The following TCN2 variants were observed in gnomAD, a reference collection of about 807,000 sequenced individuals.
TCN2 encodes the protein transcobalamin 2.
In TCN2, 34 loss-of-function variants were observed where a neutral mutation model predicts 48.6. That is an observed-to-expected ratio of 0.70 (90% CI 0.53 to 0.93). The LOEUF is 0.93. TCN2 is among the 40% of genes least tolerant of loss of function. TCN2 has a pLI of 0.00. For synonymous variants in TCN2, 283 were observed against 212.5 expected, an observed-to-expected ratio of 1.33 and a Z score of -2.89; for missense variants, 652 against 526.1, an observed-to-expected ratio of 1.24 and a Z score of -2.34.
chr22:30,621,403 CCT>C (rs1320081722), intron 7 of TCN2, among the ~76,000 whole-genome samples: 1 of 152,166 alleles, frequency 6.6e-6, no homozygotes, highest in Non-Finnish European at 1.5e-5. Context: ...ACATCACTTC[CCT>C]GTTACTTTGA....
intron 7 of TCN2, among the ~76,000 whole-genome samples, chr22:30,619,329 C>T (rs1246018041): frequency 6.6e-6 from 1 of 152,264 alleles, no homozygotes; most frequent in Admixed American, 6.5e-5. Flanking sequence ...ATCTACCCAC[C>T]TTGGCCTCCC....
Position 30,609,613 on chromosome 22 carries a change from A to G in TCN2, c.65-1258A>G, listed in dbSNP as rs145726024. Among the ~76,000 whole-genome samples the G allele has an allele frequency of 2.7e-3, 406 of 152,314 alleles. 3 individuals are homozygous for G. The highest frequency in any genetic ancestry group is 8.8e-3 in the African/African-American group (367 of 41,574). On this transcript the variant is annotated intron_variant, in intron 1 of 8. Coordinates refer to ENST00000215838, the MANE Select transcript of TCN2 (RefSeq NM_000355.4). ...GAGGGGGGCAGATGACCAGAGAGAC[A>G]CAGGCTGAGAGAGACTGAGACAGAC... is the stretch of plus-strand genomic sequence containing the variant.
intron 1 of TCN2, among the ~76,000 whole-genome samples, chr22:30,608,760 A>G (rs1277267187): frequency 4.6e-5 from 7 of 152,128 alleles, no homozygotes; most frequent in Non-Finnish European, 1.0e-4. Context: ...CAGGAACCCC[A>G]GCTCTTGGTT....
In TCN2 at chr22:30,617,550, A is replaced by C. The variant is rs1175062593; in HGVS notation, c.1106+55A>C. 3 of 1,611,762 alleles carry C rather than the reference A, an allele frequency of 1.9e-6. No individual in the cohort carries two copies. The African/African-American group carries it at 4.0e-5, about 22-fold the overall frequency. On this transcript the variant is annotated intron_variant, in intron 7 of 8. Transcript: ENST00000215838. ...CACCCAACCTCACATGCCTGATAACAGGGTCACAGAAGAGACGGGGAACAG... is the reference window on the plus strand; with the variant it reads ...CACCCAACCTCACATGCCTGATAACCGGGTCACAGAAGAGACGGGGAACAG...
chr22:30,612,417 G>A (rs951313558), intron 2 of TCN2, among the ~76,000 whole-genome samples: 1 of 152,126 alleles, frequency 6.6e-6, no homozygotes. Context: ...AAGGGTGGTG[G>A]TGGGCAACTG....
At chr22:30,610,343 G>A (rs746721068) in intron 1 of TCN2, 25 of 468,864 alleles carry the variant, frequency 5.3e-5, no homozygotes, top group South Asian at 2.3e-4. Context: ...TGTGTAACAC[G>A]TTCTGCATGT....
At chr22:30,617,990 G>T (rs1293683916) in intron 7 of TCN2, among the ~76,000 whole-genome samples, 2 of 152,160 alleles carry the variant, frequency 1.3e-5, no homozygotes, top group Non-Finnish European at 2.9e-5. Context: ...ACCCAGGCTG[G>T]AGTGTAATTG....
In TCN2 at chr22:30,626,629, G is replaced by T; in HGVS notation, c.*108G>T. ...GCCTGACCCTGCTGCCACCTCCTGT[G>T]CACTTTGAGCAATGCCCCCTGGGAT... On this transcript the variant is annotated 3_prime_UTR_variant, in exon 9 of 9. Coordinates refer to ENST00000215838, the MANE Select transcript of TCN2 (RefSeq NM_000355.4). 3 of 1,243,968 alleles carry T rather than the reference G, an allele frequency of 2.4e-6. No homozygotes were observed. Among genetic ancestry groups the T allele is most frequent in the Non-Finnish European group, 3.5e-6 (3 of 861,458 alleles). The allele number at this position is 1,243,968 out of a possible 1,614,324, so 77.1% of individuals were successfully genotyped here.
chr22:30,623,186 C>A, intron 8 of TCN2, 103 bp downstream of exon 8: 1 of 1,051,490 alleles, frequency 9.5e-7, no homozygotes, highest in Non-Finnish European at 1.5e-6. Context: ...CCTCCTGGGC[C>A]ACACCTTCAC....
In TCN2 at chr22:30,607,486, C is replaced by A. The variant is rs878976964; in HGVS notation, c.64+91C>A. On this transcript the variant is annotated intron_variant, in intron 1 of 8. Coordinates refer to ENST00000215838, the MANE Select transcript of TCN2 (RefSeq NM_000355.4). ...AGGATGAGGGAACTTACCTGCCCTT[C>A]TAAGCTCCCATAGCAGTTTGGGCTT... 7.9e-5 allele frequency: 112 copies of A among 1,413,616 alleles called. 1 individual carries two copies. The South Asian group carries it at 9.8e-4, about 12-fold the overall frequency. The allele number at this position is 1,413,616 out of a possible 1,614,324, so 87.6% of individuals were successfully genotyped here.
In TCN2 at chr22:30,626,515, C is replaced by T. The variant is rs56327240; in HGVS notation, c.1278C>T (p.Ser426=). ...DGETIELRLV[S]W is the part of the protein sequence containing the mutation. ...AAACCATTGAGCTGAGGCTGGTTAG[C>T]TGGTAGCCCCTGAGCTCCCTCATCC... The change falls in exon 9 of 9, where the codon AGC becomes AGT. Residue 426 remains serine (S), a synonymous_variant. Transcript: ENST00000215838. 4 of 1,614,098 alleles carry T rather than the reference C, an allele frequency of 2.5e-6. No homozygotes were observed. The highest frequency in any genetic ancestry group is 1.7e-5 in the Admixed American group (1 of 60,024).
At chr22:30,613,649 C>T (rs2087571875) in intron 3 of TCN2, among the ~76,000 whole-genome samples, 1 of 152,170 alleles carries the variant, frequency 6.6e-6, no homozygotes, top group South Asian at 2.1e-4. Flanking sequence ...AACTGGACAG[C>T]CTGCTTATGA....
chr22:30,615,577 C>T (rs376138696), intron 5 of TCN2, 24 bp from the exon 6 acceptor site: 4 of 1,613,960 alleles, frequency 2.5e-6, no homozygotes, highest in East Asian at 2.2e-5. Flanking sequence ...GACTTCCTCT[C>T]TCTCTTCCTC....
At position 30,623,025 on chromosome 22, in the gene TCN2, G is replaced by T. The variant is rs147747593; in HGVS notation, c.1164G>T (p.Ala388=). The T allele has an allele frequency of 6.2e-6, 10 of 1,613,920 alleles. No individual in the cohort carries two copies. Among genetic ancestry groups the T allele is most frequent in the Non-Finnish European group, 8.5e-6 (10 of 1,179,994 alleles). Residue 388 remains alanine (A), a synonymous_variant, in exon 8 of 9, where the codon GCG becomes GCT. Transcript: ENST00000215838. ...ACTTAACCTCCGTGATGGGGAAAGCGGCCGGAGAAAGGGAGTTCTGGCAGC... is the reference window on the plus strand; with the variant it reads ...ACTTAACCTCCGTGATGGGGAAAGCTGCCGGAGAAAGGGAGTTCTGGCAGC... The part of the protein sequence containing the change: ...GPYLTSVMGK[A]AGEREFWQLL...
chr22:30,612,031 G>A (rs1602044684), intron 2 of TCN2, among the ~76,000 whole-genome samples: 1 of 152,140 alleles, frequency 6.6e-6, no homozygotes, highest in South Asian at 2.1e-4. Flanking sequence ...GAGCTCAGGA[G>A]TTTGAGACCA....
chr22:30,625,027 A>G (rs1171422337), intron 8 of TCN2, among the ~76,000 whole-genome samples: 1 of 152,030 alleles, frequency 6.6e-6, no homozygotes, highest in Non-Finnish European at 1.5e-5. Flanking sequence ...GACTAGCCTG[A>G]CCAACATGGT....
intron 8 of TCN2, among the ~76,000 whole-genome samples, chr22:30,623,799 C>CATATATGTAT (rs1555896205): frequency 3.1e-4 from 1 of 3,244 alleles, no homozygotes; most frequent in African/African-American, 2.1e-3. Flanking sequence ...CATATATACA[C>CATATATGTAT]ACATACACAT....
rs2087624157 is a variant in TCN2 at position 30,617,261 on chromosome 22, G to A, written c.941-69G>A. 5.0e-6 allele frequency: 8 copies of A among 1,607,076 alleles called. No individual in the cohort carries two copies. In the Admixed American group the frequency reaches 5.0e-5, roughly 10 times the overall value. On this transcript the variant is annotated intron_variant, in intron 6 of 8. Transcript: ENST00000215838. ...CAAAGTCCAGGTGTCCTTGAGGGAA[G>A]ACAAGAAGACAAATAATCCAGGCTC...
rs2087758946 is a variant in TCN2, at chr22:30,623,965, CACACACATATATATGTATACATATAT to C, written c.1222+942_1222+967del. Among the ~76,000 whole-genome samples the C allele has an allele frequency of 2.2e-3, 41 of 18,546 alleles. 3 individuals are homozygous for C. Among genetic ancestry groups the C allele is most frequent in the South Asian group, 0.012 (17 of 1,422 alleles). 12.2% of individuals were successfully genotyped at this position (18,546 alleles called of 152,430 possible). A position where few individuals can be genotyped will look rare whatever the true frequency, so the allele number is the denominator to read the frequency against. On this transcript the variant is annotated intron_variant, in intron 8 of 8. Coordinates refer to ENST00000215838, the MANE Select transcript of TCN2 (RefSeq NM_000355.4). ...ACACACACATATGTATACATATATACACACACATATATATGTATACATATATACACACATATATATGTATACATATA... is the reference window on the plus strand; with the variant it reads ...ACACACACATATGTATACATATATACACACACATATATATGTATACATATA...
Sources: allele counts gnomAD v4.1 joint callset (sites outside exome capture counted in the v4.1 genomes callset), GRCh38; gene constraint gnomAD v4.1.1; transcripts MANE v1.5; gene names NCBI Gene and HGNC (gene_info 2026-07-23, HGNC 2026-07-21).